The following GRM7 variants were observed in gnomAD, a reference collection of about 807,000 sequenced individuals.
GRM7 encodes the protein glutamate metabotropic receptor 7.
In GRM7, 35 loss-of-function variants were observed where a neutral mutation model predicts 84.5. The observed-to-expected ratio is 0.41, with a 90% confidence interval of 0.32 to 0.55. The LOEUF (loss-of-function observed/expected upper bound fraction) is 0.55, where lower values mean the gene tolerates loss of function less well. Ranked by LOEUF, GRM7 falls within the 20% of genes least tolerant of loss-of-function variation. The pLI is 0.19. For missense variants in GRM7, 1,003 were observed against 1,194.6 expected, an observed-to-expected ratio of 0.84 and a Z score of 2.36; for synonymous variants, 487 against 455.1, an observed-to-expected ratio of 1.07 and a Z score of -0.89.
intron 2 of GRM7, among the ~76,000 whole-genome samples, chr3:7,195,713 A>G (rs1383784438): frequency 2.0e-5 from 3 of 152,178 alleles, no homozygotes; most frequent in African/African-American, 7.2e-5. Context: ...GAGAATATTA[A>G]AGAGATAGAC....
chr3:6,989,574 A>G (rs752749314), intron 1 of GRM7, among the ~76,000 whole-genome samples: 1 of 152,250 alleles, frequency 6.6e-6, no homozygotes, highest in Non-Finnish European at 1.5e-5. Context: ...TCATACAACT[A>G]TGAACAACCA....
chr3:7,704,889 A>G (rs1250107718), intron 9 of GRM7, among the ~76,000 whole-genome samples: 3 of 152,164 alleles, frequency 2.0e-5, no homozygotes, highest in African/African-American at 4.8e-5. Flanking sequence ...CTCCTTGGCC[A>G]TGCTTTACGG....
intron 7 of GRM7, among the ~76,000 whole-genome samples, chr3:7,465,417 G>C (rs1317012931): frequency 2.6e-5 from 4 of 152,054 alleles, no homozygotes; most frequent in Non-Finnish European, 5.9e-5. Context: ...ATTGTGTTCA[G>C]GGGGATTAAA....
chr3:7,214,897 A>T (rs1228460563), intron 2 of GRM7, among the ~76,000 whole-genome samples: 1 of 152,194 alleles, frequency 6.6e-6, no homozygotes, highest in Non-Finnish European at 1.5e-5. Flanking sequence ...GATTCTTTAT[A>T]TATTCCAGGA....
chr3:7,253,637 AAATC>A (rs1203677590), intron 2 of GRM7, among the ~76,000 whole-genome samples: 3 of 150,174 alleles, frequency 2.0e-5, no homozygotes, highest in Admixed American at 2.0e-4. Context: ...AAAAAAAAAA[AAATC>A]ACTAAATTCT....
At chr3:7,572,375 C>T (rs550734907) in intron 7 of GRM7, among the ~76,000 whole-genome samples, 1 of 152,228 alleles carries the variant, frequency 6.6e-6, no homozygotes, top group African/African-American at 2.4e-5. Flanking sequence ...TTCAAATGTG[C>T]AAACAAATTA....
chr3:6,920,528 C>G (rs1474532973), intron 1 of GRM7, among the ~76,000 whole-genome samples: 1 of 150,200 alleles, frequency 6.7e-6, no homozygotes. Flanking sequence ...TGCACTGCAG[C>G]CTGGGCAACA....
chr3:7,126,567 G>A (rs543905361), intron 1 of GRM7, among the ~76,000 whole-genome samples: 15 of 152,288 alleles, frequency 9.8e-5, no homozygotes, highest in South Asian at 2.1e-4. Context: ...GTTGTTTGAT[G>A]TATGAGCTTT....
chr3:7,651,170 T>A lies in GRM7; in HGVS notation c.2452-28879T>A, dbSNP rs140764992. On this transcript the variant is annotated intron_variant, in intron 8 of 9. Coordinates refer to ENST00000357716, the MANE Select transcript of GRM7 (RefSeq NM_000844.4). Reference sequence around the variant, plus strand: ...AGGGTTTCTTTCTCCTTTCTCATGTTTAGCATCAGCATCTCAAAGAGAGAA... The same window carrying A: ...AGGGTTTCTTTCTCCTTTCTCATGTATAGCATCAGCATCTCAAAGAGAGAA... Among the ~76,000 whole-genome samples, 13 of 152,300 alleles carry A rather than the reference T, an allele frequency of 8.5e-5. No individual in the cohort carries two copies. In the East Asian group the frequency reaches 2.5e-3, roughly 29 times the overall value.
At chr3:7,100,373 T>C (rs1699068250) in intron 1 of GRM7, among the ~76,000 whole-genome samples, 2 of 151,686 alleles carry the variant, frequency 1.3e-5, no homozygotes, top group Non-Finnish European at 3.0e-5. Flanking sequence ...TTTAAAGAGC[T>C]TGATGCAGCT....
chr3:6,949,387 AC>A (rs751971898), intron 1 of GRM7, among the ~76,000 whole-genome samples: 65 of 151,968 alleles, frequency 4.3e-4, no homozygotes, highest in Non-Finnish European at 8.1e-4. Context: ...ATTGGCCCCC[AC>A]TCTCTTCTGG....
intron 2 of GRM7, among the ~76,000 whole-genome samples, chr3:7,230,476 C>A (rs1203196324): frequency 6.6e-6 from 1 of 152,204 alleles, no homozygotes; most frequent in Non-Finnish European, 1.5e-5. Context: ...ACGCCCATAA[C>A]TGTTTCTTAG....
At chr3:7,312,633 G>C (rs943305430) in intron 4 of GRM7, among the ~76,000 whole-genome samples, 1 of 151,972 alleles carries the variant, frequency 6.6e-6, no homozygotes, top group African/African-American at 2.4e-5. Context: ...CCAATATGTT[G>C]GTTTAAAATG....
intron 8 of GRM7, among the ~76,000 whole-genome samples, chr3:7,614,766 A>T (rs368742958): frequency 6.6e-6 from 1 of 152,096 alleles, no homozygotes; most frequent in Non-Finnish European, 1.5e-5. Context: ...ACTTTCATCA[A>T]TTTTCTGATA....
chr3:7,671,409 T>C (rs776696064), intron 8 of GRM7, among the ~76,000 whole-genome samples: 2 of 152,112 alleles, frequency 1.3e-5, no homozygotes, highest in East Asian at 3.9e-4. Context: ...AGCACTGAGA[T>C]GCAGGTGATT....
intron 8 of GRM7, among the ~76,000 whole-genome samples, chr3:7,588,064 T>C (rs560115813): frequency 2.0e-5 from 3 of 152,304 alleles, no homozygotes; most frequent in African/African-American, 7.2e-5. Flanking sequence ...GGAATGAGAC[T>C]GCAACACCAT....
chr3:7,316,460 A>AGAGAT (rs1700586849), intron 4 of GRM7, among the ~76,000 whole-genome samples: 1 of 152,172 alleles, frequency 6.6e-6, no homozygotes, highest in African/African-American at 2.4e-5. Context: ...AAAACAAATG[A>AGAGAT]GAGATGACAG....
In GRM7 at chr3:7,680,029, T is replaced by C. The variant is rs1272626487; in HGVS notation, c.2452-20T>C. 6.2e-7 allele frequency: 1 copy of C among 1,612,862 alleles called. No homozygotes were observed. Among genetic ancestry groups the C allele is most frequent in the Non-Finnish European group, 8.5e-7 (1 of 1,179,046 alleles). ...CAGTCATTTTATTTGTAATAGTGCC[T>C]TGTGTGTTGTGTCTCCTAGCTCTAC... On this transcript the variant is annotated intron_variant, in intron 8 of 9. Coordinates refer to ENST00000357716, the MANE Select transcript of GRM7 (RefSeq NM_000844.4).
intron 1 of GRM7, among the ~76,000 whole-genome samples, chr3:7,040,306 C>T (rs1323456729): frequency 7.0e-6 from 1 of 143,588 alleles, no homozygotes; most frequent in African/African-American, 3.0e-5. Context: ...TCTCTGTAAA[C>T]TCTTTTTTTT....
Sources: gnomAD v4.1 joint callset for allele counts (sites outside exome capture counted in the v4.1 genomes callset) on GRCh38, gnomAD v4.1.1 for gene constraint, MANE v1.5 for transcripts, NCBI Gene and HGNC (gene_info 2026-07-23, HGNC 2026-07-21) for gene names.